CCDC3: variants seen among roughly 807,000 people sequenced by gnomAD.
CCDC3 encodes the protein coiled-coil domain containing 3, also known as coiled-coil domain-containing protein 3.
A neutral mutation model predicts 21.4 loss-of-function variants in CCDC3; 24 were observed. The ratio of observed to expected loss-of-function variants is 1.12; its 90% CI spans 0.81 to 1.58. The LOEUF is 1.58. CCDC3 is among the 40% of genes most tolerant of loss of function. The probability of loss-of-function intolerance (pLI) is 0.00; values close to 1 mark genes in which losing one functional copy is unlikely to be tolerated. For synonymous variants in CCDC3, 186 were observed against 166.0 expected (o/e 1.12, Z -0.93); for missense variants, 425 against 360.9 (o/e 1.18, Z -1.44).
chr10:13,019,435 G>GCGTTTCTCCCACCACGTGGTT (rs1836116014), intron 5 of CCDC3, among the ~76,000 whole-genome samples: 1 of 152,102 alleles, frequency 6.6e-6, no homozygotes, highest in South Asian at 2.1e-4. Flanking sequence ...CACAATGAGA[G>GCGTTTCTCCCACCACGTGGTT]CGTTTCTCCC....
At position 13,078,675 on chromosome 10, in the gene CCDC3, C is replaced by T. The variant is rs1228474086; in HGVS notation, c.-502-4575G>A. On this transcript the variant is annotated intron_variant, in intron 3 of 6. Coordinates refer to the CCDC3 transcript ENST00000378839. Reference sequence around the variant, plus strand: ...CACATATACACCCTGGAATACTATGCAGCCATAAAAAAGGATGAGTTCATG... The same window carrying T: ...CACATATACACCCTGGAATACTATGTAGCCATAAAAAAGGATGAGTTCATG... Among the ~76,000 whole-genome samples, 4 of 152,156 alleles carry T rather than the reference C, an allele frequency of 2.6e-5. No homozygotes were observed. The East Asian group carries it at 7.7e-4, about 29-fold the overall frequency.
chr10:13,055,146 G>A (rs901734046), intron 4 of CCDC3, among the ~76,000 whole-genome samples: 10 of 152,150 alleles, frequency 6.6e-5, no homozygotes, highest in African/African-American at 2.4e-4. Flanking sequence ...TGGCCTCTGG[G>A]TTCTCTCCAT....
At chr10:12,986,985 A>C (rs1279379625) in intron 2 of CCDC3, among the ~76,000 whole-genome samples, 1 of 152,104 alleles carries the variant, frequency 6.6e-6, no homozygotes, top group Admixed American at 6.5e-5. Flanking sequence ...GCTGGAGGGC[A>C]ATCTTCTTCG....
intron 2 of CCDC3, among the ~76,000 whole-genome samples, chr10:12,916,047 T>C (rs1051430578): frequency 6.6e-6 from 1 of 152,036 alleles, no homozygotes; most frequent in African/African-American, 2.4e-5. Flanking sequence ...AAGCACTCGA[T>C]TGTCCTGGGA....
chr10:12,982,235 G>A (rs970624539), intron 2 of CCDC3, among the ~76,000 whole-genome samples: 2 of 149,238 alleles, frequency 1.3e-5, no homozygotes, highest in Middle Eastern at 3.5e-3. Flanking sequence ...TAAGTGAAAT[G>A]AGCCAGTCAT....
At chr10:12,993,165 C>T (rs148890799) in intron 2 of CCDC3, among the ~76,000 whole-genome samples, 27 of 152,276 alleles carry the variant, frequency 1.8e-4, no homozygotes, top group African/African-American at 6.0e-4. Flanking sequence ...TAAAGCAATA[C>T]TTGAGAATAA....
chr10:12,930,797 A>C (rs539331467), intron 2 of CCDC3, among the ~76,000 whole-genome samples: 2 of 152,310 alleles, frequency 1.3e-5, no homozygotes, highest in African/African-American at 4.8e-5. Flanking sequence ...ACTCCCAAAC[A>C]TAACAGTGCC....
intron 3 of CCDC3, among the ~76,000 whole-genome samples, chr10:13,085,763 T>G (rs965826377): frequency 6.6e-6 from 1 of 152,164 alleles, no homozygotes; most frequent in African/African-American, 2.4e-5. Context: ...GGTCAGGAGT[T>G]TGAGACAAGC....
chr10:12,952,493 T>C (rs950721799), intron 2 of CCDC3, among the ~76,000 whole-genome samples: 1 of 152,218 alleles, frequency 6.6e-6, no homozygotes, highest in South Asian at 2.1e-4. Flanking sequence ...TTGAAATGTT[T>C]TGATGGCATT....
intron 2 of CCDC3, among the ~76,000 whole-genome samples, chr10:12,951,756 G>C (rs556753225): frequency 1.2e-4 from 15 of 123,384 alleles, no homozygotes; most frequent in Non-Finnish European, 1.9e-4. Context: ...AGTAAGCTGA[G>C]ACTGAGCCAC....
chr10:12,919,722 C>G (rs1475491775), intron 2 of CCDC3, among the ~76,000 whole-genome samples: 1 of 151,990 alleles, frequency 6.6e-6, no homozygotes, highest in Non-Finnish European at 1.5e-5. Flanking sequence ...ATGCTCAGCA[C>G]AGACTTGTGG....
intron 2 of CCDC3, among the ~76,000 whole-genome samples, chr10:12,956,895 A>G (rs7090487): frequency 0.032 from 4,896 of 152,320 alleles, 213 homozygotes; most frequent in African/African-American, 0.095. Context: ...GGCTGCCAAC[A>G]GAATTTACCA....
At chr10:13,001,872 A>G (rs1190733165), upstream of CCDC3, among the ~76,000 whole-genome samples, 1 of 150,622 alleles carries the variant, frequency 6.6e-6, no homozygotes, top group Non-Finnish European at 1.5e-5. Context: ...AGGGACTCGG[A>G]GAACGCGGGG....
intron 2 of CCDC3, among the ~76,000 whole-genome samples, chr10:12,971,138 T>C (rs892906035): frequency 3.3e-5 from 5 of 152,122 alleles, no homozygotes; most frequent in African/African-American, 1.2e-4. Flanking sequence ...GTCCACAGAG[T>C]GCTGCCTCCC....
chr10:13,019,090 C>T lies in CCDC3; in HGVS notation c.-1-20578G>A, dbSNP rs186161711. 4.1e-3 allele frequency among the ~76,000 whole-genome samples: 618 copies of T among 152,068 alleles called. 22 individuals carry two copies. In the South Asian group the frequency reaches 0.06, roughly 15 times the overall value. ...CTACTAAAAATACAAAAAAATTAGC[C>T]GGGCGTGGTGGCAGGCTCCTGTAGT... On this transcript the variant is annotated intron_variant, in intron 5 of 6. Coordinates refer to the CCDC3 transcript ENST00000378839.
intron 2 of CCDC3, among the ~76,000 whole-genome samples, chr10:12,992,263 G>A (rs190467558): frequency 4.2e-4 from 64 of 152,036 alleles, no homozygotes; most frequent in Admixed American, 1.1e-3. Flanking sequence ...GGTGCTGGGC[G>A]CCTGTAGTCC....
chr10:12,940,179 A>C (rs920395780), intron 2 of CCDC3, among the ~76,000 whole-genome samples: 1 of 152,100 alleles, frequency 6.6e-6, no homozygotes, highest in Non-Finnish European at 1.5e-5. Context: ...TTACAGAAGC[A>C]ACAACCCAAA....
At chr10:12,971,232 C>A (rs965329563) in intron 2 of CCDC3, among the ~76,000 whole-genome samples, 6 of 152,148 alleles carry the variant, frequency 3.9e-5, no homozygotes, top group Non-Finnish European at 7.3e-5. Context: ...AAGGGGCCAT[C>A]GTGGGCAGCT....
chr10:12,966,347 T>G (rs1835262954), intron 2 of CCDC3, among the ~76,000 whole-genome samples: 1 of 152,060 alleles, frequency 6.6e-6, no homozygotes, highest in Non-Finnish European at 1.5e-5. Context: ...TTTACGCTAC[T>G]ATCTATAGGA....
Sources: gnomAD v4.1 joint callset for allele counts (sites outside exome capture counted in the v4.1 genomes callset) on GRCh38, gnomAD v4.1.1 for gene constraint, MANE v1.5 for transcripts, NCBI Gene and HGNC (gene_info 2026-07-23, HGNC 2026-07-21) for gene names.